The following MTX2 variants were observed in gnomAD, a reference collection of about 807,000 sequenced individuals.
MTX2 encodes the protein metaxin 2, also known as metaxin-2.
MTX2 carries 35 observed loss-of-function variants against 42.3 expected under a neutral mutation model. The observed-to-expected ratio is 0.83, with a 90% CI of 0.63 to 1.10. The LOEUF is 1.10. Ranked by LOEUF, MTX2 falls within the 50% of genes least tolerant of loss-of-function variation. The probability of loss-of-function intolerance (pLI) is 0.00; values close to 1 mark genes in which losing one functional copy is unlikely to be tolerated. For synonymous variants in MTX2, 119 were observed against 100.9 expected (o/e 1.18, Z -1.08); for missense variants, 307 against 304.1 (o/e 1.01, Z -0.07).
chr2:176,321,598 G>A (rs929600904), intron 3 of MTX2, among the ~76,000 whole-genome samples: 6 of 152,074 alleles, frequency 3.9e-5, no homozygotes, highest in Non-Finnish European at 5.9e-5. Context: ...CTAACACTCA[G>A]CTGCTACTTC....
chr2:176,278,236 A>T (rs1033643879), intron 1 of MTX2, among the ~76,000 whole-genome samples: 10 of 151,722 alleles, frequency 6.6e-5, no homozygotes, highest in Admixed American at 5.9e-4. Flanking sequence ...TTTTCAGTAA[A>T]GACGGGGTTT....
intron 1 of MTX2, among the ~76,000 whole-genome samples, chr2:176,290,190 A>G (rs1208435709): frequency 1.3e-5 from 2 of 152,124 alleles, no homozygotes; most frequent in African/African-American, 4.8e-5. Flanking sequence ...AAGGGGAACA[A>G]TTTGAGCAAA....
At chr2:176,281,289 A>T (rs1283731473) in intron 1 of MTX2, among the ~76,000 whole-genome samples, 1 of 152,024 alleles carries the variant, frequency 6.6e-6, no homozygotes, top group African/African-American at 2.4e-5. Flanking sequence ...AGCTGAAAAG[A>T]CTCAAAGGCT....
In MTX2 at chr2:176,269,658, C is replaced by T. The variant is rs551177944; in HGVS notation, c.29C>T (p.Ser10Phe). 45 of 1,598,024 alleles carry T rather than the reference C, an allele frequency of 2.8e-5. No individual in the cohort carries two copies. Among genetic ancestry groups the T allele is most frequent in the Admixed American group, 5.1e-5 (3 of 58,910 alleles). Residue 10 changes from serine (S) to phenylalanine (F), a missense_variant, in exon 1 of 10, where the codon TCC (serine) becomes TTC (phenylalanine). Coordinates refer to ENST00000249442, the MANE Select transcript of MTX2 (RefSeq NM_006554.5). ...TCTCTAGTGGCGGAAGCCTTCGTCTCCCAGATTGCAGGTAGCGCGGCTGGC... is the reference window on the plus strand; with the variant it reads ...TCTCTAGTGGCGGAAGCCTTCGTCTTCCAGATTGCAGGTAGCGCGGCTGGC... Reference protein sequence around the residue: MSLVAEAFVSQIAAAEPWPE... With the variant: MSLVAEAFVFQIAAAEPWPE...
chr2:176,295,655 C>T (rs1047873883), intron 1 of MTX2, among the ~76,000 whole-genome samples: 1 of 152,102 alleles, frequency 6.6e-6, no homozygotes, highest in Non-Finnish European at 1.5e-5. Context: ...CTAAAAGTCA[C>T]ATTTGTTATT....
intron 3 of MTX2, among the ~76,000 whole-genome samples, chr2:176,307,831 A>G (rs1269452076): frequency 6.6e-6 from 1 of 152,180 alleles, no homozygotes; most frequent in Non-Finnish European, 1.5e-5. Context: ...ATATACAATC[A>G]TATCATCTGC....
chr2:176,323,938 AATT>A (rs1684644723), intron 4 of MTX2, among the ~76,000 whole-genome samples: 1 of 151,598 alleles, frequency 6.6e-6, no homozygotes, highest in African/African-American at 2.4e-5. Context: ...TTTGGTTTCT[AATT>A]ATTTTTTCTA....
At chr2:176,330,414 A>G (rs547190147) in intron 8 of MTX2, among the ~76,000 whole-genome samples, 170 bp from the exon 9 acceptor site, 19 of 149,848 alleles carry the variant, frequency 1.3e-4, no homozygotes, top group Admixed American at 8.0e-4. Context: ...TATTTCTTAT[A>G]TAGAAAGTAT....
intron 3 of MTX2, among the ~76,000 whole-genome samples, chr2:176,313,085 A>C (rs1183360821): frequency 6.6e-6 from 1 of 151,842 alleles, no homozygotes; most frequent in Non-Finnish European, 1.5e-5. Context: ...CTTTCTTTTG[A>C]AGTCACCAAG....
intron 3 of MTX2, among the ~76,000 whole-genome samples, chr2:176,301,636 G>A (rs1178459825): frequency 2.0e-5 from 3 of 152,120 alleles, no homozygotes; most frequent in Non-Finnish European, 2.9e-5. Flanking sequence ...AGTCTGGATC[G>A]ACAGTCCACA....
At chr2:176,289,140 G>A (rs1421643060) in intron 1 of MTX2, among the ~76,000 whole-genome samples, 1 of 151,930 alleles carries the variant, frequency 6.6e-6, no homozygotes, top group African/African-American at 2.4e-5. Flanking sequence ...GGTTGATAAA[G>A]CTTAAAAATA....
rs780123565 is a variant in MTX2, at chr2:176,269,623, A to G, written c.-7A>G. On this transcript the variant is annotated 5_prime_UTR_variant, in exon 1 of 10. Transcript: ENST00000249442. ...CAGGCACCCGGGCGCCGGGCCTCCC[A>G]GCCGACATGTCTCTAGTGGCGGAAG... 5.0e-6 allele frequency: 8 copies of G among 1,590,466 alleles called. No individual in the cohort carries two copies. Among genetic ancestry groups the G allele is most frequent in the Non-Finnish European group, 6.0e-6 (7 of 1,171,642 alleles).
intron 3 of MTX2, among the ~76,000 whole-genome samples, chr2:176,318,625 G>A (rs1343128878): frequency 1.3e-5 from 2 of 152,168 alleles, no homozygotes; most frequent in Non-Finnish European, 2.9e-5. Context: ...AGTATTTAAT[G>A]TGTCACCATC....
At chr2:176,326,527 T>C (rs1442780353) in intron 4 of MTX2, among the ~76,000 whole-genome samples, 1 of 151,842 alleles carries the variant, frequency 6.6e-6, no homozygotes, top group Non-Finnish European at 1.5e-5. Context: ...TAGTGTTTGC[T>C]GCTATATGGT....
intron 9 of MTX2, among the ~76,000 whole-genome samples, chr2:176,336,535 CTTTATAA>C (rs777624206): frequency 6.6e-6 from 1 of 151,994 alleles, no homozygotes; most frequent in Non-Finnish European, 1.5e-5. Flanking sequence ...ATTAAAACAA[CTTTATAA>C]TTTATGTTTC....
chr2:176,286,845 G>A (rs996003322), intron 1 of MTX2, among the ~76,000 whole-genome samples: 4 of 152,112 alleles, frequency 2.6e-5, no homozygotes, highest in African/African-American at 4.8e-5. Context: ...CACCATGCCC[G>A]ACCCACTCTG....
Position 176,337,657 on chromosome 2 carries a change from T to A in MTX2, c.785T>A (p.Leu262Gln). The change falls in exon 10 of 10, where the codon CTG (leucine) becomes CAG (glutamine). Residue 262 changes from leucine (L) to glutamine (Q), a missense_variant. By Grantham distance (113) the Leu-to-Gln change is moderately radical. Coordinates refer to ENST00000249442, the MANE Select transcript of MTX2 (RefSeq NM_006554.5). ...TTTGAAGATCGTGGTAAAGGCAGGC[T>A]GTCATAGAGTTATGTGTTAGTCTCA... ...HYFEDRGKGR[L>Q]S The A allele has an allele frequency of 6.2e-7, 1 of 1,606,480 alleles. No homozygotes were observed. The highest frequency in any genetic ancestry group is 8.5e-7 in the Non-Finnish European group (1 of 1,176,114).
intron 1 of MTX2, among the ~76,000 whole-genome samples, chr2:176,282,556 T>C (rs1693104836): frequency 6.6e-6 from 1 of 152,202 alleles, no homozygotes; most frequent in African/African-American, 2.4e-5. Flanking sequence ...CTTTCCTGTT[T>C]TCCTCAGGCA....
chr2:176,327,902 C>T (rs1305289901), intron 5 of MTX2, among the ~76,000 whole-genome samples: 4 of 150,888 alleles, frequency 2.7e-5, no homozygotes, highest in African/African-American at 9.7e-5. Context: ...GTGGGTTTCT[C>T]CCCCCATATC....
Sources: allele counts gnomAD v4.1 joint callset (sites outside exome capture counted in the v4.1 genomes callset), GRCh38; gene constraint gnomAD v4.1.1; transcripts MANE v1.5; gene names NCBI Gene and HGNC (gene_info 2026-07-23, HGNC 2026-07-21).